JADE3: variants seen among roughly 807,000 people sequenced by gnomAD.
The protein encoded by JADE3 is protein Jade-3.
A neutral mutation model predicts 50.1 loss-of-function variants in JADE3; 2 were observed. That is an observed-to-expected ratio of 0.04 (90% CI 0.02 to 0.13). The LOEUF (loss-of-function observed/expected upper bound fraction) is 0.13. Among genes scored for constraint, JADE3 ranks in the 10% least tolerant of loss-of-function variants. JADE3 has a pLI of 1.00. For missense variants in JADE3, 475 were observed against 634.4 expected (o/e 0.75, Z 2.70); for synonymous variants, 218 against 232.9 (o/e 0.94, Z 0.58).
At chrX:46,923,387 C>CTG (rs1569533970) in intron 1 of JADE3, among the ~76,000 whole-genome samples, 1 of 26,248 alleles carries the variant, frequency 3.8e-5, no homozygotes, top group East Asian at 1.0e-3. Flanking sequence ...CTCTCTCTCT[C>CTG]TCTCTCTTTT....
chrX:47,007,441 C>T (rs1335495195), intron 4 of JADE3, among the ~76,000 whole-genome samples: 1 of 111,646 alleles, frequency 9.0e-6, no homozygotes, highest in African/African-American at 3.3e-5. Flanking sequence ...TTTTGCTTCA[C>T]GTTTTGGAGC....
intron 1 of JADE3, among the ~76,000 whole-genome samples, chrX:46,968,012 G>T (rs1295542677): frequency 1.8e-5 from 2 of 111,419 alleles, no homozygotes; most frequent in African/African-American, 6.5e-5. Context: ...AAAGTGACTT[G>T]CTTTCTTCTG....
rs191973289 is a variant in JADE3 at position 46,969,134 on chromosome X, G to A, written c.-11-15750G>A. 1.8e-3 allele frequency among the ~76,000 whole-genome samples: 206 copies of A among 112,621 alleles called. No homozygotes were observed. The Middle Eastern group carries it at 0.023, about 13-fold the overall frequency. Reference sequence around the variant, plus strand: ...AAGTAGAAATCAAAAACAGAAAGACGGCTGGGTGTGGTGGCTCACGCCTCT... The same window carrying A: ...AAGTAGAAATCAAAAACAGAAAGACAGCTGGGTGTGGTGGCTCACGCCTCT... On this transcript the variant is annotated intron_variant, in intron 1 of 10. Transcript: ENST00000614628.
intron 1 of JADE3, among the ~76,000 whole-genome samples, chrX:46,933,306 G>A (rs990797287): frequency 2.7e-5 from 3 of 111,362 alleles, no homozygotes; most frequent in African/African-American, 9.8e-5. Flanking sequence ...GGTGGCAGTC[G>A]GCCTTGTCAT....
At position 47,059,091 on chromosome X, in the gene JADE3, A is replaced by G. The variant is rs782669869; in HGVS notation, c.*14A>G. The G allele has an allele frequency of 8.8e-7, 1 of 1,141,042 alleles. No individual in the cohort carries two copies. The highest frequency in any genetic ancestry group is 1.8e-5 in the African/African-American group (1 of 55,869). The allele number at this position is 1,141,042 out of a possible 1,213,427, so 94.0% of individuals were successfully genotyped here. A position where few individuals can be genotyped will look rare whatever the true frequency, so the allele number is the denominator to read the frequency against. ...ATGCAAAGGTGATTAGAAACTTCCA[A>G]GGATGACCCAACCTTTGCCTTTGCC... On this transcript the variant is annotated 3_prime_UTR_variant, in exon 11 of 11. Coordinates refer to ENST00000614628, the MANE Select transcript of JADE3 (RefSeq NM_014735.5).
intron 4 of JADE3, among the ~76,000 whole-genome samples, chrX:47,013,847 ACTCT>A (rs1556362273): frequency 8.9e-6 from 1 of 111,974 alleles, no homozygotes. Context: ...GCTTTGGCTA[ACTCT>A]CTCAAAACAC....
chrX:46,988,385 TA>T (rs1341643683), intron 3 of JADE3, among the ~76,000 whole-genome samples: 1 of 110,802 alleles, frequency 9.0e-6, no homozygotes, highest in African/African-American at 3.3e-5. Context: ...CCAGGGTCAT[TA>T]AAAAAAAGCA....
At chrX:46,983,366 A>G (rs1467954346) in intron 1 of JADE3, among the ~76,000 whole-genome samples, 1 of 110,569 alleles carries the variant, frequency 9.0e-6, no homozygotes, top group Non-Finnish European at 1.9e-5. Flanking sequence ...CTTCTGGTAT[A>G]GAACCCCCAC....
chrX:47,017,579 TAAA>T (rs1928702823), intron 4 of JADE3, among the ~76,000 whole-genome samples: 3 of 111,807 alleles, frequency 2.7e-5, no homozygotes, highest in Admixed American at 9.5e-5. Flanking sequence ...ATCATACAAA[TAAA>T]AACAATCAGA....
chrX:47,006,528 G>A (rs970322562), intron 4 of JADE3, among the ~76,000 whole-genome samples: 2 of 104,231 alleles, frequency 1.9e-5, no homozygotes, highest in African/African-American at 3.5e-5. Context: ...TTGAACTCCC[G>A]GGCTCAAGCA....
chrX:46,988,162 TTACCCCACCC>T (rs1927904577), intron 3 of JADE3, among the ~76,000 whole-genome samples: 1 of 111,883 alleles, frequency 8.9e-6, no homozygotes, highest in African/African-American at 3.3e-5. Flanking sequence ...GATTCCAGAC[TTACCCCACCC>T]TGTGACACTA....
intron 5 of JADE3, 150 bp downstream of exon 5, chrX:47,025,064 G>A: frequency 5.0e-6 from 2 of 397,184 alleles, no homozygotes. Context: ...TTATTTCAGT[G>A]AGATATTTCT....
chrX:46,958,808 C>T (rs1556347077), intron 1 of JADE3, among the ~76,000 whole-genome samples: 1 of 112,097 alleles, frequency 8.9e-6, no homozygotes, highest in Admixed American at 9.5e-5. Flanking sequence ...ATTTTTGTCT[C>T]TCTGTAGCCT....
intron 6 of JADE3, among the ~76,000 whole-genome samples, chrX:47,032,570 C>T (rs1929045280): frequency 9.0e-6 from 1 of 111,079 alleles, no homozygotes; most frequent in South Asian, 3.8e-4. Flanking sequence ...TCAATCCAGG[C>T]ATGGCATAAT....
At chrX:46,976,540 T>A (rs1464390261) in intron 1 of JADE3, among the ~76,000 whole-genome samples, 1 of 111,960 alleles carries the variant, frequency 8.9e-6, no homozygotes, top group Non-Finnish European at 1.9e-5. Context: ...AGGTCTAGTG[T>A]ACATTTTGTT....
At chrX:47,019,616 G>C (rs1928750959) in intron 4 of JADE3, among the ~76,000 whole-genome samples, 2 of 112,111 alleles carry the variant, frequency 1.8e-5, no homozygotes, top group African/African-American at 6.5e-5. Flanking sequence ...TTGGTTTTAT[G>C]CAGTTTCTGC....
At chrX:47,055,784 C>T (rs940798172) in intron 9 of JADE3, among the ~76,000 whole-genome samples, 4 of 112,218 alleles carry the variant, frequency 3.6e-5, no homozygotes, top group Non-Finnish European at 7.5e-5. Context: ...ATTGTTAAAC[C>T]ATTATTCAGC....
At chrX:46,973,803 G>T (rs1556350987) in intron 1 of JADE3, among the ~76,000 whole-genome samples, 1 of 112,578 alleles carries the variant, frequency 8.9e-6, no homozygotes, top group Non-Finnish European at 1.9e-5. Context: ...ATAGTTGGCC[G>T]GACGTGGTGG....
intron 10 of JADE3, among the ~76,000 whole-genome samples, chrX:47,057,737 G>C (rs1024781490): frequency 1.8e-5 from 2 of 112,028 alleles, no homozygotes; most frequent in Non-Finnish European, 3.8e-5. Flanking sequence ...GAAGAGATTA[G>C]AGGATGGGGC....
Sources: gnomAD v4.1 joint callset for allele counts (sites outside exome capture counted in the v4.1 genomes callset) on GRCh38, gnomAD v4.1.1 for gene constraint, MANE v1.5 for transcripts, NCBI Gene and HGNC (gene_info 2026-07-23, HGNC 2026-07-21) for gene names.